ERBB4: variants seen among roughly 807,000 people sequenced by gnomAD.
ERBB4 encodes the protein receptor tyrosine-protein kinase erbB-4.
In ERBB4, 42 loss-of-function variants were observed where a neutral mutation model predicts 158.0. That is an observed-to-expected ratio of 0.27 (90% CI 0.21 to 0.34). The LOEUF is 0.34. Ranked by LOEUF, ERBB4 falls within the 10% of genes least tolerant of loss-of-function variation. ERBB4 has a pLI of 1.00. For synonymous variants in ERBB4, 583 were observed against 558.7 expected, an observed-to-expected ratio of 1.04 and a Z score of -0.61; for missense variants, 1,333 against 1,624.1, an observed-to-expected ratio of 0.82 and a Z score of 3.08.
intron 2 of ERBB4, among the ~76,000 whole-genome samples, chr2:212,118,776 A>G (rs1027495520): frequency 5.3e-5 from 8 of 152,106 alleles, no homozygotes; most frequent in Non-Finnish European, 8.8e-5. Flanking sequence ...AAAAACAGCC[A>G]TATAGCTCTG....
chr2:211,966,740 A>G (rs975127348), intron 2 of ERBB4, among the ~76,000 whole-genome samples: 2 of 152,114 alleles, frequency 1.3e-5, no homozygotes, highest in African/African-American at 4.8e-5. Flanking sequence ...AATACCCTGT[A>G]GTTCTCTAGA....
chr2:212,061,853 A>G (rs1367731887), intron 2 of ERBB4, among the ~76,000 whole-genome samples: 1 of 150,814 alleles, frequency 6.6e-6, no homozygotes. Flanking sequence ...CTCCTGCCTC[A>G]GCCTCCTGAG....
At chr2:211,981,644 T>C (rs1398538781) in intron 2 of ERBB4, among the ~76,000 whole-genome samples, 1 of 152,202 alleles carries the variant, frequency 6.6e-6, no homozygotes, top group Non-Finnish European at 1.5e-5. Context: ...CATCCTGATG[T>C]GCTTTTGAAA....
intron 19 of ERBB4, among the ~76,000 whole-genome samples, chr2:211,565,598 T>C (rs1371470368): frequency 6.6e-6 from 1 of 152,116 alleles, no homozygotes; most frequent in Admixed American, 6.6e-5. Flanking sequence ...TTAAAGCTAC[T>C]TGGGAGGACA....
chr2:211,690,441 C>A (rs2072761729), intron 12 of ERBB4, among the ~76,000 whole-genome samples: 1 of 152,134 alleles, frequency 6.6e-6, no homozygotes, highest in Non-Finnish European at 1.5e-5. Context: ...AAAATCTTAC[C>A]TCTCTTCGGC....
At chr2:212,399,585 T>TATATATATATATATATATATATA (rs1560214662) in intron 1 of ERBB4, among the ~76,000 whole-genome samples, 2 of 121,628 alleles carry the variant, frequency 1.6e-5, no homozygotes, top group Non-Finnish European at 3.3e-5. Flanking sequence ...TATATATATA[T>TATATATATATATATATATATATA]TGGGCGTGGT....
chr2:212,056,152 T>A (rs1376953120), intron 2 of ERBB4, among the ~76,000 whole-genome samples: 1 of 152,238 alleles, frequency 6.6e-6, no homozygotes, highest in Non-Finnish European at 1.5e-5. Context: ...AGTAGCCGAT[T>A]TGATCAACTG....
intron 20 of ERBB4, among the ~76,000 whole-genome samples, chr2:211,463,468 C>T (rs537164444): frequency 6.6e-6 from 1 of 152,242 alleles, no homozygotes; most frequent in South Asian, 2.1e-4. Context: ...TCTGCTGTAG[C>T]TTCATTAACC....
At chr2:211,534,638 A>C (rs915037218) in intron 20 of ERBB4, among the ~76,000 whole-genome samples, 1 of 152,086 alleles carries the variant, frequency 6.6e-6, no homozygotes, top group Non-Finnish European at 1.5e-5. Flanking sequence ...AATTGCTACC[A>C]TTATCTTGCT....
At chr2:211,462,354 T>C (rs756275308) in intron 20 of ERBB4, among the ~76,000 whole-genome samples, 5 of 152,114 alleles carry the variant, frequency 3.3e-5, no homozygotes, top group Non-Finnish European at 5.9e-5. Context: ...CGACATAAGA[T>C]CTGGGCTGGG....
intron 2 of ERBB4, among the ~76,000 whole-genome samples, chr2:212,056,676 C>T (rs1277043901): frequency 1.3e-5 from 2 of 152,146 alleles, no homozygotes; most frequent in African/African-American, 4.8e-5. Flanking sequence ...TCCAGCCAAA[C>T]TGAGCTTCCT....
intron 16 of ERBB4, among the ~76,000 whole-genome samples, chr2:211,652,529 G>A (rs1014947629): frequency 6.6e-6 from 1 of 152,148 alleles, no homozygotes; most frequent in Non-Finnish European, 1.5e-5. Context: ...TGTGAAAGTG[G>A]TGCCAAGAAT....
At chr2:211,914,324 T>C (rs767130992) in intron 3 of ERBB4, among the ~76,000 whole-genome samples, 22 of 151,954 alleles carry the variant, frequency 1.4e-4, no homozygotes, top group South Asian at 4.1e-4. Context: ...CCACTGGTAA[T>C]TGAAGTAAAT....
intron 3 of ERBB4, among the ~76,000 whole-genome samples, chr2:211,836,784 TA>T (rs1340323005): frequency 2.6e-5 from 4 of 151,960 alleles, no homozygotes; most frequent in African/African-American, 9.7e-5. Context: ...TAGCTTGCTA[TA>T]TATTATTATA....
intron 1 of ERBB4, among the ~76,000 whole-genome samples, chr2:212,385,652 C>G (rs564167028): frequency 6.6e-6 from 1 of 151,700 alleles, no homozygotes; most frequent in Non-Finnish European, 1.5e-5. Context: ...AGTATAGATG[C>G]CAATCCCTCA....
intron 1 of ERBB4, among the ~76,000 whole-genome samples, chr2:212,407,630 T>C (rs1359121111): frequency 6.6e-6 from 1 of 152,080 alleles, no homozygotes; most frequent in Non-Finnish European, 1.5e-5. Context: ...GTATGTGTAA[T>C]ATATATATGT....
At position 212,538,459 on chromosome 2, in the gene ERBB4, A is replaced by G; in HGVS notation, c.72T>C (p.Asp24=). The change falls in exon 1 of 28, where the codon GAT becomes GAC. Residue 24 remains aspartate, a synonymous_variant. Transcript: ENST00000342788. ...CCAGAAGGAACCCACCTGACTGAGA[A>G]TCGCTGGGCTGGACGGTCCCCGCCG... ...LVAAGTVQPS[D]SQSVCAGTEN... is the part of the protein sequence containing the mutation. 1 of 1,613,754 alleles carries G rather than the reference A, an allele frequency of 6.2e-7. No homozygotes were observed. Among genetic ancestry groups the G allele is most frequent in the South Asian group, 1.1e-5 (1 of 91,076 alleles).
At chr2:211,820,152 T>A (rs1055548681) in intron 3 of ERBB4, among the ~76,000 whole-genome samples, 3 of 151,944 alleles carry the variant, frequency 2.0e-5, no homozygotes, top group African/African-American at 7.2e-5. Flanking sequence ...CAAATACATA[T>A]AAAAAGTATA....
chr2:211,518,531 G>C (rs2066100888), intron 20 of ERBB4, among the ~76,000 whole-genome samples: 1 of 152,002 alleles, frequency 6.6e-6, no homozygotes, highest in Non-Finnish European at 1.5e-5. Context: ...GTGCACACCT[G>C]TAATCCTGGC....
Sources: gnomAD v4.1 joint callset for allele counts (sites outside exome capture counted in the v4.1 genomes callset) on GRCh38, gnomAD v4.1.1 for gene constraint, MANE v1.5 for transcripts, NCBI Gene and HGNC (gene_info 2026-07-23, HGNC 2026-07-21) for gene names.